The following KSR2 variants were observed in gnomAD, a reference collection of about 807,000 sequenced individuals.
The protein encoded by KSR2 is kinase suppressor of ras 2.
A neutral mutation model predicts 107.8 loss-of-function variants in KSR2; 25 were observed. The ratio of observed to expected loss-of-function variants is 0.23; its 90% CI spans 0.17 to 0.32. The LOEUF (loss-of-function observed/expected upper bound fraction) is 0.32. Among genes scored for constraint, KSR2 ranks in the 10% least tolerant of loss-of-function variants. The probability of loss-of-function intolerance (pLI) is 1.00; values close to 1 mark genes in which losing one functional copy is unlikely to be tolerated. For synonymous variants in KSR2, 480 were observed against 507.0 expected (o/e 0.95, Z 0.71); for missense variants, 887 against 1,268.9 (o/e 0.70, Z 4.57).
chr12:117,706,782 T>C (rs1035246302), intron 4 of KSR2, among the ~76,000 whole-genome samples: 2 of 152,032 alleles, frequency 1.3e-5, no homozygotes, highest in Non-Finnish European at 2.9e-5. Flanking sequence ...AAGAAATAAA[T>C]AAATACAATT....
chr12:117,607,648 GGAGGAAAGGAGAGGA>G, intron 5 of KSR2, among the ~76,000 whole-genome samples: 1 of 88,050 alleles, frequency 1.1e-5, no homozygotes, highest in East Asian at 3.9e-4. Context: ...CCCGGAGAGG[GGAGGAAAGGAGAGGA>G]GAGGAGAGGA....
chr12:117,913,079 G>GA (rs1402760052), intron 1 of KSR2, among the ~76,000 whole-genome samples: 1 of 152,308 alleles, frequency 6.6e-6, no homozygotes, highest in South Asian at 2.1e-4. Context: ...GGGAAACCGT[G>GA]ACATCTCCGA....
intron 4 of KSR2, among the ~76,000 whole-genome samples, chr12:117,695,542 C>CAAAA: frequency 7.6e-6 from 1 of 131,238 alleles, no homozygotes; most frequent in Admixed American, 7.7e-5. Context: ...CCCATTTCTA[C>CAAAA]AAAAAAAAAA....
intron 4 of KSR2, among the ~76,000 whole-genome samples, chr12:117,683,256 TTA>T (rs1349019192): frequency 2.6e-5 from 4 of 152,190 alleles, no homozygotes; most frequent in Non-Finnish European, 4.4e-5. Context: ...TGTTTTCTTT[TTA>T]TTTTTGTCAA....
At chr12:117,666,228 T>C (rs1303838344) in intron 5 of KSR2, among the ~76,000 whole-genome samples, 1 of 152,194 alleles carries the variant, frequency 6.6e-6, no homozygotes, top group Non-Finnish European at 1.5e-5. Context: ...CCATGGGCTA[T>C]AAACCAAGCT....
intron 4 of KSR2, among the ~76,000 whole-genome samples, chr12:117,748,266 A>G (rs1364321825): frequency 6.6e-6 from 1 of 152,198 alleles, no homozygotes; most frequent in Non-Finnish European, 1.5e-5. Flanking sequence ...AGAGAATAGA[A>G]TGGTGGTTAC....
At chr12:117,660,342 T>C (rs1884379873) in intron 5 of KSR2, among the ~76,000 whole-genome samples, 3 of 152,166 alleles carry the variant, frequency 2.0e-5, no homozygotes, top group African/African-American at 7.2e-5. Context: ...CAAAGCAGGG[T>C]TGGTTCTTTC....
At chr12:117,586,583 G>A (rs529705031) in intron 5 of KSR2, among the ~76,000 whole-genome samples, 176 of 54,674 alleles carry the variant, frequency 3.2e-3, no homozygotes, top group African/African-American at 0.011. Context: ...GCCAAACTCC[G>A]AAAAAAAAAA....
intron 5 of KSR2, among the ~76,000 whole-genome samples, chr12:117,588,277 C>G (rs951583647): frequency 6.6e-6 from 1 of 152,176 alleles, no homozygotes; most frequent in African/African-American, 2.4e-5. Context: ...ATAGACTGAT[C>G]TTAGAGGACA....
chr12:117,756,001 A>G (rs12818783), intron 4 of KSR2, among the ~76,000 whole-genome samples: 30,874 of 152,058 alleles, frequency 0.2, 3,516 homozygotes, highest in East Asian at 0.35. Context: ...CTTCAATTCT[A>G]TGAAGGCTGA....
intron 5 of KSR2, among the ~76,000 whole-genome samples, chr12:117,616,598 G>A (rs1040134317): frequency 6.6e-6 from 1 of 152,168 alleles, no homozygotes; most frequent in African/African-American, 2.4e-5. Flanking sequence ...ATAAAGACCT[G>A]TGCCTTTTGT....
chr12:117,948,395 C>G (rs947570862), intron 1 of KSR2, among the ~76,000 whole-genome samples: 7 of 151,602 alleles, frequency 4.6e-5, no homozygotes, highest in African/African-American at 1.7e-4. Flanking sequence ...GAGGCTGAGG[C>G]AGGAGAACTG....
intron 4 of KSR2, among the ~76,000 whole-genome samples, chr12:117,674,772 A>C: frequency 6.6e-6 from 1 of 152,232 alleles, no homozygotes; most frequent in East Asian, 1.9e-4. Flanking sequence ...GGCTTTAAAA[A>C]GTATACATTG....
At chr12:117,960,607 A>G (rs2137604755) in intron 1 of KSR2, among the ~76,000 whole-genome samples, 1 of 152,246 alleles carries the variant, frequency 6.6e-6, no homozygotes, top group East Asian at 1.9e-4. Context: ...CACAACCACA[A>G]GTGAGTCAGG....
chr12:117,968,310 G>GC lies in KSR2; in HGVS notation c.-56_-55insG, dbSNP rs957180996. 4.8e-6 allele frequency: 7 copies of GC among 1,455,756 alleles called. No homozygotes were observed. The highest frequency in any genetic ancestry group is 4.3e-5 in the African/African-American group (3 of 69,306). The allele number at this position is 1,455,756 out of a possible 1,614,324, so 90.2% of individuals were successfully genotyped here. ...CCTCCTCCCAGAGAGAAAAAAGAGG[G>GC]GGGGGAGTAGAGGTAGTCTACCCTC... On this transcript the variant is annotated 5_prime_UTR_variant, in exon 1 of 20. Transcript: ENST00000339824.
chr12:117,475,101 G>A (rs536103718), intron 17 of KSR2, among the ~76,000 whole-genome samples: 52 of 152,150 alleles, frequency 3.4e-4, no homozygotes, highest in African/African-American at 1.2e-3. Flanking sequence ...CTGTGTATTG[G>A]ACACCCGGCC....
At chr12:117,517,724 T>C in intron 14 of KSR2, 1 of 422,926 alleles carries the variant, frequency 2.4e-6, no homozygotes, top group South Asian at 1.7e-5. Context: ...AGCTGTGCTT[T>C]ATAAAGGGAA....
In KSR2 at chr12:117,489,399, T is replaced by A. The variant is rs1457675324; in HGVS notation, c.2220-3708A>T. Among the ~76,000 whole-genome samples the A allele has an allele frequency of 4.6e-5, 7 of 152,112 alleles. No homozygotes were observed. The East Asian group carries it at 1.4e-3, about 29-fold the overall frequency. ...TTCTACAAAGGATACACAAAAAAAC[T>A]AGCTGTGTGTAGTGGCACATGCCTG... On this transcript the variant is annotated intron_variant, in intron 14 of 19. Coordinates refer to ENST00000339824, the MANE Select transcript of KSR2 (RefSeq NM_173598.6).
chr12:117,661,267 G>GA (rs71099069), intron 5 of KSR2, among the ~76,000 whole-genome samples: 71,459 of 149,690 alleles, frequency 0.48, 19,774 homozygotes, highest in South Asian at 0.66. Context: ...TCCTGTACCA[G>GA]AAAAAAAAAA....
Sources: gnomAD v4.1 joint callset for allele counts (sites outside exome capture counted in the v4.1 genomes callset) on GRCh38, gnomAD v4.1.1 for gene constraint, MANE v1.5 for transcripts, NCBI Gene and HGNC (gene_info 2026-07-23, HGNC 2026-07-21) for gene names.